GALNTL6: variants seen among roughly 807,000 people sequenced by gnomAD.
The protein encoded by GALNTL6 is polypeptide N-acetylgalactosaminyltransferase like 6.
GALNTL6 carries 46 observed loss-of-function variants against 73.7 expected under a neutral mutation model. The ratio of observed to expected loss-of-function variants is 0.62; its 90% CI spans 0.49 to 0.80. The LOEUF is 0.80. Ranked by LOEUF, GALNTL6 falls within the 30% of genes least tolerant of loss-of-function variation. The probability of loss-of-function intolerance (pLI) is 0.00; values close to 1 mark genes in which losing one functional copy is unlikely to be tolerated. For missense variants in GALNTL6, 604 were observed against 755.0 expected (o/e 0.80, Z 2.34); for synonymous variants, 259 against 263.7 (o/e 0.98, Z 0.17).
intron 5 of GALNTL6, among the ~76,000 whole-genome samples, chr4:172,726,580 C>T (rs1027033748): frequency 6.6e-6 from 1 of 152,108 alleles, no homozygotes; most frequent in Admixed American, 6.5e-5. Context: ...TGAACCCCAA[C>T]CTATAATCAC....
intron 2 of GALNTL6, among the ~76,000 whole-genome samples, chr4:171,901,413 C>A (rs1219852523): frequency 2.0e-5 from 3 of 152,186 alleles, no homozygotes; most frequent in African/African-American, 7.2e-5. Flanking sequence ...GGAGCATCTG[C>A]ACCCTGAGAA....
chr4:172,292,104 A>T (rs1229436966), intron 3 of GALNTL6, among the ~76,000 whole-genome samples: 1 of 152,102 alleles, frequency 6.6e-6, no homozygotes, highest in African/African-American at 2.4e-5. Context: ...TTTCATAAAC[A>T]TGTATTGTGT....
intron 5 of GALNTL6, among the ~76,000 whole-genome samples, chr4:172,488,674 T>C (rs1733783032): frequency 6.6e-6 from 1 of 152,162 alleles, no homozygotes; most frequent in African/African-American, 2.4e-5. Flanking sequence ...GAAGATAACC[T>C]GTATAGTTAT....
chr4:172,828,731 T>G (rs1354766459), intron 7 of GALNTL6, among the ~76,000 whole-genome samples: 1 of 152,106 alleles, frequency 6.6e-6, no homozygotes, highest in Non-Finnish European at 1.5e-5. Flanking sequence ...AAGAAAAGAT[T>G]CAATGGATGA....
At chr4:172,207,830 A>C (rs1736191728) in intron 2 of GALNTL6, among the ~76,000 whole-genome samples, 1 of 152,244 alleles carries the variant, frequency 6.6e-6, no homozygotes, top group African/African-American at 2.4e-5. Context: ...GCACGCAGTA[A>C]GTACATGATA....
At chr4:172,925,674 C>T (rs1228689120) in intron 8 of GALNTL6, among the ~76,000 whole-genome samples, 5 of 152,138 alleles carry the variant, frequency 3.3e-5, no homozygotes, top group African/African-American at 1.2e-4. Context: ...TAATTGCAAA[C>T]TGAATTCTGT....
At chr4:172,327,915 T>A (rs1257757419) in intron 4 of GALNTL6, among the ~76,000 whole-genome samples, 1 of 152,168 alleles carries the variant, frequency 6.6e-6, no homozygotes, top group Admixed American at 6.5e-5. Context: ...TGTGTCGATA[T>A]GATTCTCATT....
intron 5 of GALNTL6, among the ~76,000 whole-genome samples, chr4:172,462,527 T>A (rs572491071): frequency 6.9e-4 from 105 of 152,314 alleles, no homozygotes; most frequent in African/African-American, 2.4e-3. Flanking sequence ...ACCTACAGTG[T>A]CACTTTCAGT....
intron 5 of GALNTL6, among the ~76,000 whole-genome samples, chr4:172,566,075 C>G (rs2110937014): frequency 6.6e-6 from 1 of 152,182 alleles, no homozygotes; most frequent in East Asian, 1.9e-4. Flanking sequence ...ATGGAAAAAT[C>G]AACAGCAATA....
chr4:171,858,238 T>C (rs999635319), intron 2 of GALNTL6, among the ~76,000 whole-genome samples: 2 of 152,256 alleles, frequency 1.3e-5, no homozygotes, highest in East Asian at 3.9e-4. Flanking sequence ...TTTTAAGGTA[T>C]AGACAGTTAT....
intron 5 of GALNTL6, among the ~76,000 whole-genome samples, chr4:172,565,837 T>G (rs1736534597): frequency 6.6e-6 from 1 of 152,178 alleles, no homozygotes; most frequent in South Asian, 2.1e-4. Context: ...GTTGGTAGAT[T>G]GTATGGTTCT....
chr4:172,666,633 TCTC>T (rs1370508712), intron 5 of GALNTL6, among the ~76,000 whole-genome samples: 1 of 152,150 alleles, frequency 6.6e-6, no homozygotes, highest in Non-Finnish European at 1.5e-5. Flanking sequence ...ATGATGTAAT[TCTC>T]CTCATTTTTC....
intron 9 of GALNTL6, among the ~76,000 whole-genome samples, chr4:172,934,947 A>G (rs1246688852): frequency 6.6e-6 from 1 of 152,192 alleles, no homozygotes. Flanking sequence ...ACTGGCACCT[A>G]TGGGGACAGT....
intron 2 of GALNTL6, among the ~76,000 whole-genome samples, chr4:172,140,363 T>C (rs1410984266): frequency 1.3e-5 from 2 of 152,094 alleles, no homozygotes; most frequent in Admixed American, 1.3e-4. Context: ...TTTAGTATAC[T>C]ATTAAATTCC....
At chr4:172,467,882 T>G (rs368862711) in intron 5 of GALNTL6, among the ~76,000 whole-genome samples, 19 of 145,182 alleles carry the variant, frequency 1.3e-4, no homozygotes, top group Non-Finnish European at 2.3e-4. Flanking sequence ...TTCCTTCTTT[T>G]CTTTTCTTTC....
intron 4 of GALNTL6, among the ~76,000 whole-genome samples, chr4:172,346,802 C>T (rs1178206767): frequency 3.3e-5 from 5 of 151,874 alleles, no homozygotes; most frequent in Non-Finnish European, 5.9e-5. Flanking sequence ...TTCATGTGTA[C>T]TAGTAATTTG....
At chr4:172,578,960 A>G (rs1406841304) in intron 5 of GALNTL6, among the ~76,000 whole-genome samples, 1 of 152,234 alleles carries the variant, frequency 6.6e-6, no homozygotes, top group Admixed American at 6.5e-5. Context: ...CCACATTAAT[A>G]TTCATCAGGG....
At chr4:172,642,083 T>C (rs1258884037) in intron 5 of GALNTL6, among the ~76,000 whole-genome samples, 2 of 152,076 alleles carry the variant, frequency 1.3e-5, no homozygotes, top group African/African-American at 4.8e-5. Flanking sequence ...AAGTAAGTGT[T>C]GGCAAGTATG....
At chr4:172,387,887 A>C (rs1439185620) in intron 5 of GALNTL6, among the ~76,000 whole-genome samples, 3 of 152,064 alleles carry the variant, frequency 2.0e-5, no homozygotes, top group Non-Finnish European at 4.4e-5. Context: ...AGACATTTTC[A>C]AACAACTTAT....
Sources: allele counts gnomAD v4.1 joint callset (sites outside exome capture counted in the v4.1 genomes callset), GRCh38; gene constraint gnomAD v4.1.1; transcripts MANE v1.5; gene names NCBI Gene and HGNC (gene_info 2026-07-23, HGNC 2026-07-21).